VCAN: variants seen among roughly 807,000 people sequenced by gnomAD.
VCAN encodes versican, also known as versican core protein.
A neutral mutation model predicts 245.5 loss-of-function variants in VCAN; 44 were observed. That is an observed-to-expected ratio of 0.18 (90% CI 0.14 to 0.23). The LOEUF (loss-of-function observed/expected upper bound fraction) is 0.23. Ranked by LOEUF, VCAN falls within the 10% of genes least tolerant of loss-of-function variation. The probability of loss-of-function intolerance (pLI) is 1.00; values close to 1 mark genes in which losing one functional copy is unlikely to be tolerated. For synonymous variants in VCAN, 1,413 were observed against 1,437.0 expected (o/e 0.98, Z 0.38); for missense variants, 3,793 against 4,057.9 (o/e 0.93, Z 1.77).
At chr5:83,579,905 G>A in intron 13 of VCAN, 75 bp from the exon 14 acceptor site, 2 of 1,494,114 alleles carry the variant, frequency 1.3e-6, no homozygotes, top group Non-Finnish European at 1.9e-6. Context: ...CATAAAGAAA[G>A]AGAGAAAAAT....
At chr5:83,481,128 T>C (rs1361579007) in intron 1 of VCAN, among the ~76,000 whole-genome samples, 5 of 151,926 alleles carry the variant, frequency 3.3e-5, no homozygotes, top group Non-Finnish European at 5.9e-5. Flanking sequence ...CTTTTAAAAT[T>C]AGGCTTATAA....
chr5:83,477,676 A>G (rs768920508), intron 1 of VCAN, among the ~76,000 whole-genome samples: 2 of 152,306 alleles, frequency 1.3e-5, no homozygotes, highest in African/African-American at 2.4e-5. Context: ...AGCAAATAAT[A>G]TATTTGGAAA....
intron 5 of VCAN, among the ~76,000 whole-genome samples, chr5:83,496,944 C>G (rs190595481): frequency 1.3e-4 from 20 of 152,266 alleles, no homozygotes; most frequent in Non-Finnish European, 2.2e-4. Context: ...GAAGGTGAGT[C>G]AAGATTCCTT....
chr5:83,580,198 T>C (rs1561280086), intron 14 of VCAN, 36 bp downstream of exon 14: 1 of 1,614,016 alleles, frequency 6.2e-7, no homozygotes, highest in Non-Finnish European at 8.5e-7. Context: ...ACTACCGTGC[T>C]ATAACAACTA....
intron 7 of VCAN, among the ~76,000 whole-genome samples, chr5:83,531,930 A>T (rs763758673): frequency 6.6e-6 from 1 of 152,250 alleles, no homozygotes; most frequent in East Asian, 1.9e-4. Flanking sequence ...CATAGAAAAG[A>T]TTATGCATAC....
intron 12 of VCAN, among the ~76,000 whole-genome samples, chr5:83,567,207 T>C (rs1258866221): frequency 1.3e-5 from 2 of 152,032 alleles, no homozygotes; most frequent in African/African-American, 4.8e-5. Flanking sequence ...CATTAAGCAG[T>C]TATATACTAG....
intron 7 of VCAN, among the ~76,000 whole-genome samples, chr5:83,523,751 A>G (rs1466881247): frequency 6.6e-6 from 1 of 152,100 alleles, no homozygotes; most frequent in African/African-American, 2.4e-5. Context: ...TGCTAATGAT[A>G]TTGTTTCTTG....
At position 83,539,435 on chromosome 5, in the gene VCAN, A is replaced by T; in HGVS notation, c.6432A>T (p.Thr2144=). 6.2e-7 allele frequency: 1 copy of T among 1,613,614 alleles called. No homozygotes were observed. Among genetic ancestry groups the T allele is most frequent in the Non-Finnish European group, 8.5e-7 (1 of 1,179,842 alleles). The change falls in exon 8 of 15, where the codon ACA becomes ACT. Residue 2144 remains threonine (T), a synonymous_variant. Transcript: ENST00000265077. Reference sequence around the variant, plus strand: ...AACAAACAATCTTTGATTCACAGACATTTACTGAAACTGAACTCAAAACCA... The same window carrying T: ...AACAAACAATCTTTGATTCACAGACTTTTACTGAAACTGAACTCAAAACCA... ...ATEQTIFDSQ[T]FTETELKTTD...
chr5:83,472,075 T>C (rs567499980), intron 1 of VCAN, 52 bp downstream of exon 1: 56 of 273,064 alleles, frequency 2.1e-4, no homozygotes, highest in African/African-American at 9.9e-4. Context: ...AAAAAACTTA[T>C]AGAAAAAAAC....
chr5:83,487,088 G>A (rs73146687), intron 2 of VCAN, among the ~76,000 whole-genome samples: 3,795 of 152,102 alleles, frequency 0.025, 162 homozygotes, highest in African/African-American at 0.086. Flanking sequence ...TGTCCTAATC[G>A]TTGATTATCT....
At chr5:83,492,362 T>TAAC (rs1223935880) in intron 3 of VCAN, among the ~76,000 whole-genome samples, 1 of 152,140 alleles carries the variant, frequency 6.6e-6, no homozygotes, top group Non-Finnish European at 1.5e-5. Flanking sequence ...TTATCCCAAA[T>TAAC]AACAACAACA....
rs70975508 is a variant in VCAN, at chr5:83,581,317, C to CAAAAAAAAAA, written c.*899_*908dup. 1 of 116,884 alleles carries CAAAAAAAAAA rather than the reference C, an allele frequency of 8.6e-6. No homozygotes were observed. The highest frequency in any genetic ancestry group is 1.7e-5 in the Non-Finnish European group (1 of 57,292). 7.2% of individuals were successfully genotyped at this position (116,884 alleles called of 1,614,324 possible). On this transcript the variant is annotated 3_prime_UTR_variant, in exon 15 of 15. Transcript: ENST00000265077. ...GGGTGGGGGATTGTTAAAACACATG[C>CAAAAAAAAAA]AAAAAAAAAAAAAAAAAAAAAAAAA...
rs1746282756 is a variant in VCAN at position 83,526,049 on chromosome 5, C to T, written c.4003+3740C>T. ...CTGCCTCCTGGGTTCAAGCGATTCT[C>T]CTGCCTCAGCCTCCCGAGTAGCTGG... On this transcript the variant is annotated intron_variant, in intron 7 of 14. Coordinates refer to ENST00000265077, the MANE Select transcript of VCAN (RefSeq NM_004385.5). Among the ~76,000 whole-genome samples the T allele has an allele frequency of 2.0e-5, 3 of 151,892 alleles. No individual in the cohort carries two copies. In the South Asian group the frequency reaches 6.2e-4, roughly 32 times the overall value.
intron 8 of VCAN, among the ~76,000 whole-genome samples, chr5:83,543,984 A>G (rs1747102470): frequency 6.6e-6 from 1 of 152,156 alleles, no homozygotes; most frequent in South Asian, 2.1e-4. Flanking sequence ...AGACTCACTC[A>G]CTCAGTCCTT....
intron 10 of VCAN, among the ~76,000 whole-genome samples, chr5:83,550,887 C>CAAAAAAAAA (rs57081110): frequency 6.0e-5 from 3 of 50,088 alleles, no homozygotes; most frequent in Non-Finnish European, 1.0e-4. Context: ...GACTCCATCT[C>CAAAAAAAAA]AAAAAAAAAA....
chr5:83,516,462 T>C (rs1316106314), intron 6 of VCAN, among the ~76,000 whole-genome samples: 1 of 152,248 alleles, frequency 6.6e-6, no homozygotes, highest in Non-Finnish European at 1.5e-5. Context: ...TTGACTATCA[T>C]GCTGCTAATG....
chr5:83,551,129 T>TA (rs1271798517), intron 10 of VCAN, among the ~76,000 whole-genome samples: 1 of 150,192 alleles, frequency 6.7e-6, no homozygotes, highest in Non-Finnish European at 1.5e-5. Context: ...CAGGCACTGT[T>TA]AGTAGTGAAG....
Position 83,580,095 on chromosome 5 carries a change from T to G in VCAN, c.9996T>G (p.Arg3332=). Residue 3332 remains arginine (R), a synonymous_variant, in exon 14 of 15, where the codon CGT becomes CGG. Coordinates refer to ENST00000265077, the MANE Select transcript of VCAN (RefSeq NM_004385.5). The stretch of plus-strand genomic sequence containing the variant: ...ACTGCAAAGATGGTTTCATTCAACG[T>G]CACCTTCCAACTATCCGGTGCTTAG... ...RYHCKDGFIQ[R]HLPTIRCLGN... The G allele has an allele frequency of 1.2e-6, 2 of 1,614,094 alleles. No homozygotes were observed. Among genetic ancestry groups the G allele is most frequent in the Non-Finnish European group, 1.7e-6 (2 of 1,180,002 alleles).
intron 6 of VCAN, among the ~76,000 whole-genome samples, chr5:83,513,270 C>T (rs939465828): frequency 1.3e-5 from 2 of 152,096 alleles, no homozygotes; most frequent in African/African-American, 4.8e-5. Context: ...TGGGTAATAT[C>T]CAAGACAGAG....
Sources: allele counts gnomAD v4.1 joint callset (sites outside exome capture counted in the v4.1 genomes callset), GRCh38; gene constraint gnomAD v4.1.1; transcripts MANE v1.5; gene names NCBI Gene and HGNC (gene_info 2026-07-23, HGNC 2026-07-21).